MCTP1: variants seen among roughly 807,000 people sequenced by gnomAD.
MCTP1 encodes multiple C2 and transmembrane domain containing 1.
In MCTP1, 69 loss-of-function variants were observed where a neutral mutation model predicts 120.6. The ratio of observed to expected loss-of-function variants is 0.57; its 90% confidence interval spans 0.47 to 0.70. The LOEUF is 0.70. Ranked by LOEUF, MCTP1 falls within the 30% of genes least tolerant of loss-of-function variation. MCTP1 has a pLI of 0.00. For synonymous variants in MCTP1, 529 were observed against 493.1 expected, an observed-to-expected ratio of 1.07 and a Z score of -0.96; for missense variants, 1,203 against 1,248.8, an observed-to-expected ratio of 0.96 and a Z score of 0.55.
intron 2 of MCTP1, among the ~76,000 whole-genome samples, chr5:95,010,238 T>C (rs1835657441): frequency 6.6e-6 from 1 of 152,016 alleles, no homozygotes; most frequent in African/African-American, 2.4e-5. Flanking sequence ...TTTTTTTGAG[T>C]CCCTTCATCC....
At chr5:95,220,215 AT>A (rs1187579040) in intron 1 of MCTP1, among the ~76,000 whole-genome samples, 1 of 152,108 alleles carries the variant, frequency 6.6e-6, no homozygotes, top group African/African-American at 2.4e-5. Context: ...TACATGAGAG[AT>A]TTTTTTGTGT....
chr5:95,066,368 G>C (rs1750661568), intron 1 of MCTP1, among the ~76,000 whole-genome samples: 1 of 152,156 alleles, frequency 6.6e-6, no homozygotes, highest in African/African-American at 2.4e-5. Context: ...GCAAGGATGT[G>C]AAGAAATGAG....
rs528841693 is a variant in MCTP1 at position 95,166,728 on chromosome 5, T to C, written c.720+117128A>G. Among the ~76,000 whole-genome samples, 6 of 151,908 alleles carry C rather than the reference T, an allele frequency of 3.9e-5. No individual in the cohort carries two copies. In the South Asian group the frequency reaches 1.3e-3, roughly 32 times the overall value. On this transcript the variant is annotated intron_variant, in intron 1 of 22. Transcript: ENST00000515393. ...GACCACAGGCACCCACCACCACGCC[T>C]GGCTAATTTTTTGTATTTTTAGTAG...
intron 12 of MCTP1, among the ~76,000 whole-genome samples, chr5:94,882,699 T>TTAATTA (rs1217444838): frequency 6.6e-6 from 1 of 151,708 alleles, no homozygotes; most frequent in East Asian, 1.9e-4. Flanking sequence ...CAGAACCTGA[T>TTAATTA]TAATTATTTT....
At position 95,284,281 on chromosome 5, in the gene MCTP1, G is replaced by C; in HGVS notation, c.295C>G (p.Leu99Val). 1 of 1,596,930 alleles carries C rather than the reference G, an allele frequency of 6.3e-7. No individual in the cohort carries two copies. The highest frequency in any genetic ancestry group is 8.5e-7 in the Non-Finnish European group (1 of 1,178,672). ...AGGGGCTCCGGCGACGAGCAGCACA[G>C]GTTGGGCTGCGAGGAGGAGAAGACT... Reference protein sequence around the residue: ...DRVFSSSQPNLCCSSPEPLEP... With the variant: ...DRVFSSSQPNVCCSSPEPLEP... The change falls in exon 1 of 23, where the codon CTG becomes GTG. Residue 99 changes from leucine (L) to valine (V), a missense_variant. Around this residue, in one of 2 missense-constraint regions of MCTP1, gnomAD observed 463 missense variants for 377.8 expected, o/e 1.23. Coordinates refer to ENST00000515393, the MANE Select transcript of MCTP1 (RefSeq NM_024717.7). This position sits in a 1 kb window ranked among gnomAD's most constrained non-coding sequence, Gnocchi z 5.2.
intron 17 of MCTP1, among the ~76,000 whole-genome samples, chr5:94,804,914 A>G (rs906075420): frequency 6.6e-6 from 1 of 152,218 alleles, no homozygotes; most frequent in Non-Finnish European, 1.5e-5. Context: ...AGAGTTAAAC[A>G]GAAGGGTTCC....
intron 1 of MCTP1, among the ~76,000 whole-genome samples, chr5:95,135,814 T>C (rs1239972605): frequency 2.0e-5 from 3 of 152,252 alleles, no homozygotes; most frequent in African/African-American, 4.8e-5. Flanking sequence ...TCTGTCCCTC[T>C]AGGGAACCCT....
intron 1 of MCTP1, among the ~76,000 whole-genome samples, chr5:95,115,491 C>G (rs1426893252): frequency 1.3e-5 from 2 of 151,838 alleles, no homozygotes; most frequent in Non-Finnish European, 2.9e-5. Flanking sequence ...AATTGGCATA[C>G]TGAAGAATGC....
At chr5:94,728,764 T>C (rs939845649) in intron 19 of MCTP1, among the ~76,000 whole-genome samples, 8 of 152,216 alleles carry the variant, frequency 5.3e-5, no homozygotes, top group Non-Finnish European at 1.0e-4. Context: ...TTCTCTCTCA[T>C]TTTCTTTCCC....
chr5:95,135,457 G>A (rs902358549), intron 1 of MCTP1, among the ~76,000 whole-genome samples: 2 of 152,210 alleles, frequency 1.3e-5, no homozygotes, highest in African/African-American at 4.8e-5. Flanking sequence ...TGGACTGAAG[G>A]ATGCAAAGTA....
At chr5:94,994,877 C>T (rs989773080) in intron 2 of MCTP1, among the ~76,000 whole-genome samples, 100 of 152,334 alleles carry the variant, frequency 6.6e-4, no homozygotes, top group African/African-American at 2.3e-3. Flanking sequence ...ATGCTGGATG[C>T]TTCCTGACCT....
intron 1 of MCTP1, among the ~76,000 whole-genome samples, chr5:95,094,532 A>C (rs1004666615): frequency 3.3e-5 from 5 of 152,218 alleles, no homozygotes; most frequent in Non-Finnish European, 5.9e-5. Flanking sequence ...TAAGAGAAAA[A>C]AATTTTAAAT....
chr5:95,201,463 G>GTTTTTTTTTTTTTTTTTTT (rs1562232022), intron 1 of MCTP1, among the ~76,000 whole-genome samples: 1 of 120,682 alleles, frequency 8.3e-6, no homozygotes. Flanking sequence ...AAGGAAAAGT[G>GTTTTTTTTTTTTTTTTTTT]GTTTTTTTTT....
At chr5:94,813,139 G>A (rs575273269) in intron 17 of MCTP1, among the ~76,000 whole-genome samples, 19 of 152,078 alleles carry the variant, frequency 1.2e-4, no homozygotes, top group Middle Eastern at 6.8e-3. Context: ...CAAAAACCCC[G>A]TTTAAACAAT....
intron 18 of MCTP1, among the ~76,000 whole-genome samples, chr5:94,797,196 G>A (rs1224135102): frequency 6.6e-6 from 1 of 152,050 alleles, no homozygotes; most frequent in African/African-American, 2.4e-5. Context: ...AACCAAGCCA[G>A]GTATATTCTG....
intron 1 of MCTP1, among the ~76,000 whole-genome samples, chr5:95,128,072 T>C (rs1017526587): frequency 6.6e-6 from 1 of 152,184 alleles, no homozygotes; most frequent in African/African-American, 2.4e-5. Flanking sequence ...GACAGTTCAC[T>C]CTGGCTCCTA....
chr5:95,203,347 C>T (rs1443134940), intron 1 of MCTP1, among the ~76,000 whole-genome samples: 1 of 152,278 alleles, frequency 6.6e-6, no homozygotes, highest in Admixed American at 6.5e-5. Flanking sequence ...CTATCCAGAA[C>T]CTCTGAGTGA....
intron 1 of MCTP1, among the ~76,000 whole-genome samples, chr5:95,270,655 C>T (rs761560064): frequency 9.2e-5 from 14 of 152,156 alleles, no homozygotes; most frequent in East Asian, 3.9e-4. Flanking sequence ...GCGGGCCGGG[C>T]ATATTGACTC....
intron 17 of MCTP1, among the ~76,000 whole-genome samples, chr5:94,803,104 A>G (rs1781541581): frequency 6.6e-6 from 1 of 152,202 alleles, no homozygotes; most frequent in Non-Finnish European, 1.5e-5. Flanking sequence ...CAAACAAAAC[A>G]TCTACCCCTA....
Sources: gnomAD v4.1 joint callset for allele counts (sites outside exome capture counted in the v4.1 genomes callset) on GRCh38, gnomAD v4.1.1 for gene constraint, gnomAD v4.1.1 regional missense constraint, Gnocchi (gnomAD v3.1) non-coding constraint, MANE v1.5 for transcripts, NCBI Gene and HGNC (gene_info 2026-07-23, HGNC 2026-07-21) for gene names.